AR: variants seen among roughly 807,000 people sequenced by gnomAD.
AR encodes the protein dihydrotestosterone receptor.
Under a neutral mutation model 53.9 loss-of-function variants are expected in AR, and 8 were observed. The observed-to-expected ratio is 0.15, with a 90% CI of 0.09 to 0.27. The LOEUF is 0.27. Among genes scored for constraint, AR ranks in the 10% least tolerant of loss-of-function variants. AR has a pLI of 1.00. For missense variants in AR, 639 were observed against 742.5 expected (o/e 0.86, Z 1.62); for synonymous variants, 359 against 316.4 (o/e 1.13, Z -1.43).
chrX:67,626,604 C>A (rs1382047205), intron 1 of AR, among the ~76,000 whole-genome samples: 1 of 61,871 alleles, frequency 1.6e-5, no homozygotes, highest in Non-Finnish European at 3.2e-5. Flanking sequence ...CCATGCCCGA[C>A]TAATTTTATA....
intron 1 of AR, among the ~76,000 whole-genome samples, chrX:67,549,136 G>A (rs753113539): frequency 1.1e-3 from 118 of 111,967 alleles, no homozygotes; most frequent in Non-Finnish European, 1.6e-3. Flanking sequence ...TCCAAAAGTT[G>A]ATATTTTCTT....
At chrX:67,623,884 A>C (rs1401958880) in intron 1 of AR, among the ~76,000 whole-genome samples, 1 of 111,556 alleles carries the variant, frequency 9.0e-6, no homozygotes, top group Non-Finnish European at 1.9e-5. Context: ...ACACAACTAT[A>C]AAAAAGCTAC....
chrX:67,677,780 G>T (rs1602248788), intron 2 of AR, among the ~76,000 whole-genome samples: 2 of 111,146 alleles, frequency 1.8e-5, no homozygotes, highest in East Asian at 2.8e-4. Context: ...CTGCTCTCTG[G>T]ATCTCACCCT....
chrX:67,720,160 C>A (rs750335966), intron 5 of AR, among the ~76,000 whole-genome samples: 6 of 111,526 alleles, frequency 5.4e-5, no homozygotes, highest in African/African-American at 1.6e-4. Context: ...ATCTTCATTT[C>A]TCCTCTTATT....
intron 5 of AR, among the ~76,000 whole-genome samples, chrX:67,720,980 C>A (rs186609125): frequency 1.8e-5 from 2 of 111,591 alleles, no homozygotes; most frequent in African/African-American, 6.5e-5. Flanking sequence ...AGAGGTATGC[C>A]ATGGTCAGCC....
chrX:67,709,608 C>A (rs898210783), intron 3 of AR, among the ~76,000 whole-genome samples: 1 of 112,104 alleles, frequency 8.9e-6, no homozygotes, highest in South Asian at 3.7e-4. Flanking sequence ...GATGCCTCTC[C>A]CTGCTTTGGC....
intron 1 of AR, among the ~76,000 whole-genome samples, chrX:67,632,872 G>A (rs1348838922): frequency 8.9e-6 from 1 of 112,065 alleles, no homozygotes; most frequent in African/African-American, 3.2e-5. Flanking sequence ...CAAAGTATTT[G>A]AATAGAAATT....
chrX:67,628,202 C>A (rs1275283856), intron 1 of AR, among the ~76,000 whole-genome samples: 1 of 109,892 alleles, frequency 9.1e-6, no homozygotes, highest in Non-Finnish European at 1.9e-5. Context: ...ATGGGGATGG[C>A]ATTGAATCTA....
Position 67,664,831 on chromosome X carries a change from C to A in AR, c.1769-21179C>A, listed in dbSNP as rs996152865. On this transcript the variant is annotated intron_variant, in intron 2 of 7. Coordinates refer to ENST00000374690, the MANE Select transcript of AR (RefSeq NM_000044.6). ...TCAGCAATGGCGGGCACCCCTCCCC[C>A]AGCCTCGCTGCTGCCTTGCAGTTTG... 5.3e-5 allele frequency among the ~76,000 whole-genome samples: 6 copies of A among 112,571 alleles called. No homozygotes were observed. The Admixed American group carries it at 5.6e-4, about 11-fold the overall frequency.
At chrX:67,572,921 T>C (rs944968676) in intron 1 of AR, among the ~76,000 whole-genome samples, 3 of 111,754 alleles carry the variant, frequency 2.7e-5, no homozygotes, top group African/African-American at 9.7e-5. Context: ...ACATGTAAAG[T>C]GTTCTGACAT....
chrX:67,651,560 C>T (rs1926348445), intron 2 of AR, among the ~76,000 whole-genome samples: 1 of 111,804 alleles, frequency 8.9e-6, no homozygotes, highest in Non-Finnish European at 1.9e-5. Flanking sequence ...GTCACAGCAG[C>T]TCCTCAAATA....
chrX:67,572,078 A>C (rs1043265183), intron 1 of AR, among the ~76,000 whole-genome samples: 2 of 111,644 alleles, frequency 1.8e-5, no homozygotes, highest in East Asian at 5.7e-4. Flanking sequence ...TGCATATGAC[A>C]AACTTCTCAC....
At chrX:67,659,927 G>T (rs1033225911) in intron 2 of AR, among the ~76,000 whole-genome samples, 4 of 111,614 alleles carry the variant, frequency 3.6e-5, no homozygotes, top group Non-Finnish European at 5.6e-5. Context: ...GTGTGAGATG[G>T]TATCTCGTGG....
chrX:67,544,951 C>A lies in AR; in HGVS notation c.-196C>A, dbSNP rs1390003749. 1.2e-5 allele frequency: 6 copies of A among 495,785 alleles called. No homozygotes were observed. In the East Asian group the frequency reaches 2.3e-4, roughly 19 times the overall value. The allele number at this position is 495,785 out of a possible 1,213,427, so 40.9% of individuals were successfully genotyped here. On this transcript the variant is annotated 5_prime_UTR_variant, in exon 1 of 8. Coordinates refer to ENST00000374690, the MANE Select transcript of AR (RefSeq NM_000044.6). Reference sequence around the variant, plus strand: ...GCAGATCTTGTCCACCGTGTGTCTTCTTCTGCACGAGACTTTGAGGCTGTC... The same window carrying A: ...GCAGATCTTGTCCACCGTGTGTCTTATTCTGCACGAGACTTTGAGGCTGTC...
At chrX:67,599,963 G>GTGCATT (rs1317242112) in intron 1 of AR, among the ~76,000 whole-genome samples, 2 of 111,522 alleles carry the variant, frequency 1.8e-5, no homozygotes, top group African/African-American at 6.5e-5. Flanking sequence ...ATATGCAAAT[G>GTGCATT]TGCATATACC....
intron 1 of AR, among the ~76,000 whole-genome samples, chrX:67,552,254 G>C (rs747967053): frequency 8.9e-6 from 1 of 111,943 alleles, no homozygotes; most frequent in African/African-American, 3.2e-5. Flanking sequence ...CTAACATTTT[G>C]TATGAATGAA....
chrX:67,591,808 C>T (rs1048461556), intron 1 of AR, among the ~76,000 whole-genome samples: 28 of 111,976 alleles, frequency 2.5e-4, no homozygotes, highest in African/African-American at 9.1e-4. Context: ...GTTGTCACCA[C>T]CCTCTCCTTT....
intron 2 of AR, among the ~76,000 whole-genome samples, chrX:67,661,283 T>A (rs1251213140): frequency 1.8e-5 from 2 of 110,866 alleles, no homozygotes; most frequent in Non-Finnish European, 1.9e-5. Flanking sequence ...GGCATCCCTG[T>A]CTTGTGCCAG....
At chrX:67,704,332 G>A (rs2076055897) in intron 3 of AR, among the ~76,000 whole-genome samples, 4 of 111,715 alleles carry the variant, frequency 3.6e-5, no homozygotes, top group South Asian at 7.4e-4. Context: ...TTTAATGATC[G>A]CCATTCTAAC....
Sources: allele counts gnomAD v4.1 joint callset (sites outside exome capture counted in the v4.1 genomes callset), GRCh38; gene constraint gnomAD v4.1.1; transcripts MANE v1.5; gene names NCBI Gene and HGNC (gene_info 2026-07-23, HGNC 2026-07-21).